CNTN5: variants seen among roughly 807,000 people sequenced by gnomAD.
The protein encoded by CNTN5 is contactin-5.
CNTN5 carries 77 observed loss-of-function variants against 129.1 expected under a neutral mutation model. The observed-to-expected ratio is 0.60, with a 90% CI of 0.50 to 0.72. The LOEUF (loss-of-function observed/expected upper bound fraction) is 0.72. CNTN5 is among the 30% of genes least tolerant of loss of function. The pLI is 0.00. For missense variants in CNTN5, 1,478 were observed against 1,328.8 expected (o/e 1.11, Z -1.75); for synonymous variants, 509 against 465.6 (o/e 1.09, Z -1.20).
chr11:100,335,172 T>C (rs550838869), intron 21 of CNTN5, among the ~76,000 whole-genome samples: 71 of 147,278 alleles, frequency 4.8e-4, no homozygotes, highest in Middle Eastern at 3.5e-3. Context: ...CCAAAAAAAA[T>C]TTTAACAAGT....
chr11:99,741,921 T>C (rs567683851), intron 3 of CNTN5, among the ~76,000 whole-genome samples: 1 of 152,144 alleles, frequency 6.6e-6, no homozygotes, highest in Non-Finnish European at 1.5e-5. Flanking sequence ...AATTTCCCCC[T>C]GATTTCCTCC....
intron 15 of CNTN5, among the ~76,000 whole-genome samples, chr11:100,217,937 A>G (rs1260541210): frequency 6.6e-6 from 1 of 152,192 alleles, no homozygotes; most frequent in East Asian, 1.9e-4. Flanking sequence ...CAAAACTGCC[A>G]ATTTAAAAGT....
At chr11:99,805,644 T>C (rs562789159) in intron 3 of CNTN5, among the ~76,000 whole-genome samples, 2 of 152,138 alleles carry the variant, frequency 1.3e-5, no homozygotes. Context: ...ACTTTCAATA[T>C]GATATAATTA....
At position 99,660,615 on chromosome 11, in the gene CNTN5, T is replaced by C. The variant is rs191041469; in HGVS notation, c.55+104346T>C. Among the ~76,000 whole-genome samples, 33 of 152,222 alleles carry C rather than the reference T, an allele frequency of 2.2e-4. No individual in the cohort carries two copies. In the East Asian group the frequency reaches 5.4e-3, roughly 25 times the overall value. ...GGAAAGAAAGAAATGGATTAAGGAT[T>C]TATGTATTTTTGGTAGAGCCAGCAT... On this transcript the variant is annotated intron_variant, in intron 3 of 24. Coordinates refer to ENST00000524871, the MANE Select transcript of CNTN5 (RefSeq NM_014361.4).
intron 2 of CNTN5, among the ~76,000 whole-genome samples, chr11:99,456,155 C>T (rs77157158): frequency 0.031 from 4,744 of 152,002 alleles, 261 homozygotes; most frequent in African/African-American, 0.11. Flanking sequence ...TCAAAACTCT[C>T]GAAATGAAAT....
At chr11:100,093,490 C>T (rs1293505260) in intron 13 of CNTN5, among the ~76,000 whole-genome samples, 1 of 152,012 alleles carries the variant, frequency 6.6e-6, no homozygotes, top group African/African-American at 2.4e-5. Flanking sequence ...AGGTCTCAAG[C>T]TCCTGGCCTC....
intron 1 of CNTN5, among the ~76,000 whole-genome samples, chr11:99,193,694 A>T (rs1306172794): frequency 6.6e-6 from 1 of 152,162 alleles, no homozygotes; most frequent in East Asian, 1.9e-4. Flanking sequence ...CCTGAGATGA[A>T]AAAACAACCC....
intron 1 of CNTN5, among the ~76,000 whole-genome samples, chr11:99,055,917 G>C: frequency 6.6e-6 from 1 of 151,786 alleles, no homozygotes; most frequent in East Asian, 1.9e-4. Flanking sequence ...GTTGCCTTTG[G>C]GTTGTCTCCT....
intron 3 of CNTN5, among the ~76,000 whole-genome samples, chr11:99,765,433 G>A (rs1015610616): frequency 4.0e-5 from 6 of 151,648 alleles, no homozygotes; most frequent in South Asian, 4.2e-4. Flanking sequence ...GTCTTTAGTA[G>A]GGATCATAAG....
intron 1 of CNTN5, among the ~76,000 whole-genome samples, chr11:99,182,757 A>G (rs1204628881): frequency 6.6e-6 from 1 of 152,192 alleles, no homozygotes; most frequent in Non-Finnish European, 1.5e-5. Context: ...TACCAATAAC[A>G]TTGTAACAGT....
At chr11:99,185,287 A>AT (rs34326102) in intron 1 of CNTN5, among the ~76,000 whole-genome samples, 1 of 151,566 alleles carries the variant, frequency 6.6e-6, no homozygotes, top group African/African-American at 2.4e-5. Context: ...ATAACTAAAG[A>AT]TTTTTTTTAT....
chr11:100,337,051 G>A (rs1952052867), intron 21 of CNTN5: 2 of 1,063,238 alleles, frequency 1.9e-6, no homozygotes, highest in East Asian at 2.4e-5. Context: ...GTTCAAAATT[G>A]GCAATGCTGA....
chr11:99,788,911 G>T (rs1053234907), intron 3 of CNTN5, among the ~76,000 whole-genome samples: 1 of 151,776 alleles, frequency 6.6e-6, no homozygotes, highest in Non-Finnish European at 1.5e-5. Flanking sequence ...TCAACAGTCT[G>T]TGTTAGCTGA....
At chr11:99,750,381 C>T (rs950992308) in intron 3 of CNTN5, among the ~76,000 whole-genome samples, 1 of 152,102 alleles carries the variant, frequency 6.6e-6, no homozygotes, top group Non-Finnish European at 1.5e-5. Flanking sequence ...ATTCATTTTA[C>T]TTGTAGAGCA....
intron 3 of CNTN5, among the ~76,000 whole-genome samples, chr11:99,699,920 T>G (rs1322604405): frequency 6.6e-6 from 1 of 151,464 alleles, no homozygotes; most frequent in African/African-American, 2.4e-5. Flanking sequence ...TGTGCTTCAT[T>G]CCACTGAGAG....
At chr11:99,648,415 T>C (rs1442796400) in intron 3 of CNTN5, among the ~76,000 whole-genome samples, 1 of 151,674 alleles carries the variant, frequency 6.6e-6, no homozygotes. Context: ...AGGCAATACA[T>C]AACAAATGCT....
chr11:99,106,508 TTTTC>T (rs1565321844), intron 1 of CNTN5, among the ~76,000 whole-genome samples: 2 of 152,016 alleles, frequency 1.3e-5, no homozygotes, highest in Admixed American at 1.3e-4. Context: ...CCTATAATTA[TTTTC>T]TTAAGAGTGA....
chr11:99,238,113 G>C (rs1861370368), intron 1 of CNTN5, among the ~76,000 whole-genome samples: 1 of 152,038 alleles, frequency 6.6e-6, no homozygotes, highest in East Asian at 1.9e-4. Context: ...TATATATTAG[G>C]GAAAGAAAGC....
intron 16 of CNTN5, among the ~76,000 whole-genome samples, chr11:100,244,167 C>A (rs115073331): frequency 0.027 from 4,098 of 152,252 alleles, 123 homozygotes; most frequent in African/African-American, 0.08. Flanking sequence ...CCTTTATGGA[C>A]TCTTGGTTCT....
Sources: gnomAD v4.1 joint callset for allele counts (sites outside exome capture counted in the v4.1 genomes callset) on GRCh38, gnomAD v4.1.1 for gene constraint, MANE v1.5 for transcripts, NCBI Gene and HGNC (gene_info 2026-07-23, HGNC 2026-07-21) for gene names.